HAVCR2: variants seen among roughly 807,000 people sequenced by gnomAD.
HAVCR2 encodes the protein T cell immunoglobulin mucin 3.
HAVCR2 carries 13 observed loss-of-function variants against 24.7 expected under a neutral mutation model. The ratio of observed to expected loss-of-function variants is 0.53; its 90% CI spans 0.34 to 0.84. HAVCR2 has a LOEUF of 0.84. Ranked by LOEUF, HAVCR2 falls within the 40% of genes least tolerant of loss-of-function variation. HAVCR2 has a pLI of 0.01. For missense variants in HAVCR2, 343 were observed against 371.2 expected (o/e 0.92, Z 0.62); for synonymous variants, 154 against 143.4 (o/e 1.07, Z -0.53).
In HAVCR2 at chr5:157,104,773, A is replaced by G. The variant is rs201214506; in HGVS notation, c.395-24T>C. On this transcript the variant is annotated intron_variant, in intron 2 of 6. Transcript: ENST00000307851. Reference sequence around the variant, plus strand: ...GGCTAATGTCAGAAACAACATAAGGATGAAAATTATCTGAGAGCAGAAAGC... The same window carrying G: ...GGCTAATGTCAGAAACAACATAAGGGTGAAAATTATCTGAGAGCAGAAAGC... 9.4e-5 allele frequency: 142 copies of G among 1,503,010 alleles called. 1 individual carries two copies. Among genetic ancestry groups the G allele is most frequent in the Non-Finnish European group, 1.2e-4 (135 of 1,095,310 alleles). The allele number at this position is 1,503,010 out of a possible 1,614,324, so 93.1% of individuals were successfully genotyped here.
At chr5:157,102,102 A>G (rs1289598353) in intron 3 of HAVCR2, among the ~76,000 whole-genome samples, 4 of 151,682 alleles carry the variant, frequency 2.6e-5, no homozygotes, top group African/African-American at 4.8e-5. Context: ...ATGACCAGCT[A>G]ATTTTTGTAT....
intron 4 of HAVCR2, among the ~76,000 whole-genome samples, chr5:157,096,019 A>G (rs1360599476): frequency 6.6e-6 from 1 of 151,904 alleles, no homozygotes; most frequent in Non-Finnish European, 1.5e-5. Flanking sequence ...TGACATCAGG[A>G]GTTTGAGACC....
At chr5:157,088,264 A>G (rs545098390) in intron 6 of HAVCR2, among the ~76,000 whole-genome samples, 1 of 152,332 alleles carries the variant, frequency 6.6e-6, no homozygotes, top group African/African-American at 2.4e-5. Context: ...GCCAAACATC[A>G]CTAAAAGTCT....
Position 157,092,270 on chromosome 5 carries a change from G to A in HAVCR2, c.676+3036C>T, listed in dbSNP as rs118181367. ...GTCAAAAAAGTAGTGAGTGTTATCA[G>A]TGCTCCTTAACAATCCCTAGTCTGT... On this transcript the variant is annotated intron_variant, in intron 5 of 6. Coordinates refer to ENST00000307851, the MANE Select transcript of HAVCR2 (RefSeq NM_032782.5). Among the ~76,000 whole-genome samples, 27 of 151,622 alleles carry A rather than the reference G, an allele frequency of 1.8e-4. No individual in the cohort carries two copies. The East Asian group carries it at 5.3e-3, about 29-fold the overall frequency.
At position 157,095,333 on chromosome 5, in the gene HAVCR2, G is replaced by C. The variant is rs1409213802; in HGVS notation, c.649C>G (p.Leu217Val). 6.2e-7 allele frequency: 1 copy of C among 1,613,836 alleles called. No individual in the cohort carries two copies. The highest frequency in any genetic ancestry group is 8.5e-7 in the Non-Finnish European group (1 of 1,179,980). Residue 217 changes from leucine (L) to valine (V), a missense_variant, in exon 5 of 7, where the codon CTT (leucine) becomes GTT (valine). By Grantham distance (32) the Leu-to-Val change is conservative. Coordinates refer to ENST00000307851, the MANE Select transcript of HAVCR2 (RefSeq NM_032782.5). Reference protein sequence around the residue: ...AGICAGLALALIFGALIFKWY... With the variant: ...AGICAGLALAVIFGALIFKWY... Reference sequence around the variant, plus strand: ...TTGAAAATTAAAGCGCCGAAGATAAGAGCCAGAGCCAGCCCAGCACAGATC... The same window carrying C: ...TTGAAAATTAAAGCGCCGAAGATAACAGCCAGAGCCAGCCCAGCACAGATC...
In HAVCR2 at chr5:157,104,658, A is replaced by G. The variant is rs1346499067; in HGVS notation, c.478+8T>C. 5.0e-6 allele frequency: 8 copies of G among 1,588,530 alleles called. No individual in the cohort carries two copies. Among genetic ancestry groups the G allele is most frequent in the Non-Finnish European group, 6.9e-6 (8 of 1,162,720 alleles). ...AAAGATTCCCTCCTCTGCCCCATGC[A>G]TAGTTACCTGGGCCATGTCCCCTGG... On this transcript the variant is annotated splice_region_variant and intron_variant, in intron 3 of 6. Transcript: ENST00000307851.
Position 157,086,075 on chromosome 5 carries a change from A to G in HAVCR2, c.*1027T>C, listed in dbSNP as rs1756908302. 1 of 152,092 alleles carries G rather than the reference A, an allele frequency of 6.6e-6. No individual in the cohort carries two copies. The highest frequency in any genetic ancestry group is 2.1e-4 in the South Asian group (1 of 4,834). 9.4% of individuals were successfully genotyped at this position (152,092 alleles called of 1,614,324 possible). A position where few individuals can be genotyped will look rare whatever the true frequency, so the allele number is the denominator to read the frequency against. On this transcript the variant is annotated 3_prime_UTR_variant, in exon 7 of 7. Transcript: ENST00000307851. ...CTTCTTCTGTGAAAAATATAGCTTC[A>G]GTTTGGTCCACGAATACAGAAGTTG...
intron 3 of HAVCR2, among the ~76,000 whole-genome samples, chr5:157,102,166 AC>A (rs1390181273): frequency 6.6e-6 from 1 of 151,828 alleles, no homozygotes; most frequent in Non-Finnish European, 1.5e-5. Flanking sequence ...TAAACTCCTG[AC>A]CTCAGGTGAT....
At chr5:157,104,512 C>T (rs1251071511) in intron 3 of HAVCR2, among the ~76,000 whole-genome samples, 154 bp downstream of exon 3, 3 of 152,150 alleles carry the variant, frequency 2.0e-5, no homozygotes, top group Non-Finnish European at 2.9e-5. Context: ...AGGTGTGTCT[C>T]CACCACTTCC....
At position 157,109,010 on chromosome 5, in the gene HAVCR2, A is replaced by T. The variant is rs764317405; in HGVS notation, c.-27T>A. On this transcript the variant is annotated 5_prime_UTR_variant, in exon 1 of 7. Transcript: ENST00000307851. ...GAGCTTGCAGAAGAAAAGTCAGAGG[A>T]CACCTCTGTTAGGCACAGTTTTAAC... The T allele has an allele frequency of 1.5e-5, 24 of 1,608,540 alleles. No individual in the cohort carries two copies. The East Asian group carries it at 5.1e-4, about 34-fold the overall frequency.
chr5:157,099,745 G>C (rs1322906391), intron 3 of HAVCR2, among the ~76,000 whole-genome samples: 1 of 151,938 alleles, frequency 6.6e-6, no homozygotes, highest in East Asian at 1.9e-4. Context: ...ACCCAGGCTG[G>C]AGTGCAGTAG....
intron 2 of HAVCR2, among the ~76,000 whole-genome samples, chr5:157,105,882 T>C (rs942289159): frequency 2.6e-5 from 4 of 152,014 alleles, no homozygotes; most frequent in Non-Finnish European, 5.9e-5. Flanking sequence ...TTTTTTCTTC[T>C]GCTTTTTAAG....
At chr5:157,100,843 T>A (rs947710716) in intron 3 of HAVCR2, among the ~76,000 whole-genome samples, 1 of 152,146 alleles carries the variant, frequency 6.6e-6, no homozygotes, top group East Asian at 1.9e-4. Flanking sequence ...ACACCTGTAA[T>A]CCCAGCACTT....
chr5:157,091,369 C>T (rs982730167), intron 5 of HAVCR2, among the ~76,000 whole-genome samples: 3 of 151,274 alleles, frequency 2.0e-5, no homozygotes, highest in African/African-American at 7.3e-5. Flanking sequence ...CACTTGAACC[C>T]GGGGAGGCAG....
chr5:157,096,229 C>CAAAA (rs386405404), intron 4 of HAVCR2, among the ~76,000 whole-genome samples: 4 of 90,686 alleles, frequency 4.4e-5, no homozygotes, highest in African/African-American at 9.0e-5. Context: ...GACTCCATCT[C>CAAAA]AAAAAAAAAA....
chr5:157,107,534 A>C (rs1757270555), intron 1 of HAVCR2, among the ~76,000 whole-genome samples: 1 of 152,200 alleles, frequency 6.6e-6, no homozygotes, highest in South Asian at 2.1e-4. Flanking sequence ...AGTTGTTTTA[A>C]GGTTTAAAGT....
At chr5:157,108,691 TTTTC>T (rs773547275) in intron 1 of HAVCR2, among the ~76,000 whole-genome samples, 18 of 152,314 alleles carry the variant, frequency 1.2e-4, no homozygotes, top group Non-Finnish European at 2.5e-4. Flanking sequence ...CTGCAACTTT[TTTTC>T]TTTAATAACA....
intron 4 of HAVCR2, among the ~76,000 whole-genome samples, chr5:157,096,215 G>A (rs1757092368): frequency 7.8e-6 from 1 of 128,814 alleles, no homozygotes; most frequent in African/African-American, 3.0e-5. Context: ...GGGCAACAGA[G>A]CGAGACTCCA....
intron 4 of HAVCR2, among the ~76,000 whole-genome samples, chr5:157,097,448 C>T (rs919960177): frequency 5.3e-5 from 8 of 151,902 alleles, no homozygotes; most frequent in African/African-American, 1.5e-4. Flanking sequence ...TTTGTAGAGA[C>T]AGGGTGTCAC....
Sources: allele counts gnomAD v4.1 joint callset (sites outside exome capture counted in the v4.1 genomes callset), GRCh38; gene constraint gnomAD v4.1.1; transcripts MANE v1.5; gene names NCBI Gene and HGNC (gene_info 2026-07-23, HGNC 2026-07-21).